The following CWC22 variants were observed in gnomAD, a reference collection of about 807,000 sequenced individuals.
The protein encoded by CWC22 is CWC22 spliceosome associated protein.
Under a neutral mutation model 117.2 loss-of-function variants are expected in CWC22, and 53 were observed. That is an observed-to-expected ratio of 0.45 (90% CI 0.36 to 0.57). The LOEUF is 0.57. Ranked by LOEUF, CWC22 falls within the 20% of genes least tolerant of loss-of-function variation. CWC22 has a pLI of 0.00. For synonymous variants in CWC22, 360 were observed against 355.6 expected (o/e 1.01, Z -0.14); for missense variants, 980 against 1,068.8 (o/e 0.92, Z 1.16).
chr2:179,994,849 A>G (rs989244355), intron 1 of CWC22, among the ~76,000 whole-genome samples: 1 of 152,176 alleles, frequency 6.6e-6, no homozygotes, highest in Non-Finnish European at 1.5e-5. Context: ...TTCTTTATGT[A>G]TCTTTTTAAA....
chr2:179,950,250 T>A (rs1686409910), intron 19 of CWC22, among the ~76,000 whole-genome samples: 1 of 152,184 alleles, frequency 6.6e-6, no homozygotes, highest in African/African-American at 2.4e-5. Context: ...AATGGATGGT[T>A]CATATCAGTC....
chr2:179,991,887 C>T (rs1687577251), intron 2 of CWC22, among the ~76,000 whole-genome samples: 1 of 152,164 alleles, frequency 6.6e-6, no homozygotes, highest in African/African-American at 2.4e-5. Flanking sequence ...AAACTGTGAG[C>T]CCCCTGCCAA....
intron 17 of CWC22, 28 bp from the exon 18 acceptor site, chr2:179,950,954 G>T: frequency 7.6e-7 from 1 of 1,322,356 alleles, no homozygotes; most frequent in Non-Finnish European, 1.1e-6. Flanking sequence ...AAACAAAAGA[G>T]AACACATTGC....
chr2:179,951,223 A>C (rs904887847), intron 17 of CWC22, among the ~76,000 whole-genome samples: 1 of 152,048 alleles, frequency 6.6e-6, no homozygotes, highest in East Asian at 1.9e-4. Context: ...ACACGTGTGA[A>C]TATATATAGT....
At chr2:179,960,432 C>CA (rs1456123672) in intron 13 of CWC22, among the ~76,000 whole-genome samples, 3 of 151,390 alleles carry the variant, frequency 2.0e-5, no homozygotes, top group Non-Finnish European at 1.5e-5. Flanking sequence ...ACAATGAGGA[C>CA]AAAGAAATAA....
intron 1 of CWC22, among the ~76,000 whole-genome samples, chr2:179,996,604 T>C (rs1488018186): frequency 6.6e-6 from 1 of 151,894 alleles, no homozygotes; most frequent in Non-Finnish European, 1.5e-5. Context: ...AAAGTGGATC[T>C]CATGAAGATA....
At chr2:179,958,330 C>CA (rs11453659) in intron 14 of CWC22, among the ~76,000 whole-genome samples, 67,509 of 92,590 alleles carry the variant, frequency 0.73, 23,371 homozygotes, top group Non-Finnish European at 0.77. Flanking sequence ...GACTCTGGCT[C>CA]AAAAAAAAAA....
chr2:179,958,314 T>C (rs973508611), intron 14 of CWC22, among the ~76,000 whole-genome samples: 21 of 115,642 alleles, frequency 1.8e-4, no homozygotes, highest in African/African-American at 6.2e-4. Context: ...CTGGGCGACA[T>C]AGTGAGACTC....
Position 179,973,748 on chromosome 2 carries a change from G to T in CWC22, c.636C>A (p.Thr212=), listed in dbSNP as rs1161004087. 1 of 1,610,468 alleles carries T rather than the reference G, an allele frequency of 6.2e-7. No homozygotes were observed. Among genetic ancestry groups the T allele is most frequent in the African/African-American group, 1.3e-5 (1 of 74,778 alleles). Residue 212 remains threonine, a synonymous_variant, in exon 7 of 20, where the codon ACC becomes ACA. Coordinates refer to ENST00000410053, the MANE Select transcript of CWC22 (RefSeq NM_020943.3). The part of the protein sequence containing the change: ...LQAQSASPIF[T]HVYAALVAII... ...TTGCCACTAATGCTGCATAAACATG[G>T]GTGAAGATTGGAGAAGCACTCTGTG...
intron 6 of CWC22, among the ~76,000 whole-genome samples, chr2:179,975,790 G>A (rs1280365726): frequency 3.3e-5 from 5 of 152,114 alleles, no homozygotes; most frequent in African/African-American, 4.8e-5. Context: ...GACATCCCAT[G>A]TCCATGGACT....
intron 6 of CWC22, among the ~76,000 whole-genome samples, chr2:179,975,287 A>G (rs1008545597): frequency 2.6e-5 from 4 of 152,162 alleles, no homozygotes; most frequent in Admixed American, 2.0e-4. Flanking sequence ...CTCTCACTAG[A>G]AATTAAATTG....
chr2:179,955,076 G>C, intron 14 of CWC22, 42 bp from the exon 15 acceptor site: 1 of 1,326,264 alleles, frequency 7.5e-7, no homozygotes, highest in Non-Finnish European at 1.1e-6. Flanking sequence ...AAAACACAAA[G>C]AGACTAAATA....
At position 179,955,021 on chromosome 2, in the gene CWC22, T is replaced by A; in HGVS notation, c.1472A>T (p.Asn491Ile). 6.3e-7 allele frequency: 1 copy of A among 1,598,686 alleles called. No homozygotes were observed. Among genetic ancestry groups the A allele is most frequent in the Non-Finnish European group, 8.5e-7 (1 of 1,171,590 alleles). The part of the protein sequence containing the change: ...FPESQTKELC[N>I]MILDCCAQQR... ...TTGGGCACAGCAATCAAGTATCATG[T>A]TGCAGAGTTCTTTCTATTTGGGAAA... Residue 491 changes from asparagine to isoleucine, a missense_variant, in exon 15 of 20, where the codon AAC becomes ATC. Around this residue, in one of 3 missense-constraint regions of CWC22, gnomAD observed 559 missense variants for 602.3 expected, o/e 0.93. Transcript: ENST00000410053.
intron 1 of CWC22, among the ~76,000 whole-genome samples, chr2:179,994,494 T>C (rs1472992180): frequency 6.6e-6 from 1 of 152,204 alleles, no homozygotes; most frequent in Non-Finnish European, 1.5e-5. Flanking sequence ...TAAGTATTCC[T>C]TTCACTGGCA....
intron 19 of CWC22, among the ~76,000 whole-genome samples, chr2:179,949,132 C>T (rs1292997274): frequency 6.6e-6 from 1 of 152,152 alleles, no homozygotes; most frequent in East Asian, 1.9e-4. Context: ...AAAGCAGAAA[C>T]ATTGAGAAGT....
intron 2 of CWC22, 121 bp from the exon 3 acceptor site, chr2:179,988,765 C>A: frequency 1.8e-6 from 1 of 552,106 alleles, no homozygotes; most frequent in Non-Finnish European, 3.2e-6. Context: ...TTTTTTAAAT[C>A]ATTAAGAATA....
At chr2:179,991,173 G>T (rs1051041479) in intron 2 of CWC22, among the ~76,000 whole-genome samples, 5 of 152,162 alleles carry the variant, frequency 3.3e-5, no homozygotes, top group African/African-American at 1.2e-4. Context: ...GCAGTACGAG[G>T]AGACAAGGGG....
intron 19 of CWC22, among the ~76,000 whole-genome samples, chr2:179,946,815 AAT>A (rs1310321114): frequency 2.6e-5 from 4 of 152,174 alleles, no homozygotes; most frequent in Non-Finnish European, 5.9e-5. Context: ...CTGCAAAAAC[AAT>A]AGTTCTCCCC....
chr2:179,986,050 C>T (rs1687411041), intron 4 of CWC22, among the ~76,000 whole-genome samples: 2 of 152,054 alleles, frequency 1.3e-5, no homozygotes, highest in Non-Finnish European at 2.9e-5. Flanking sequence ...TCTGACTCTT[C>T]TTAAATATTA....
Sources: allele counts gnomAD v4.1 joint callset (sites outside exome capture counted in the v4.1 genomes callset), GRCh38; gene constraint gnomAD v4.1.1; regional missense constraint gnomAD v4.1.1; transcripts MANE v1.5; gene names NCBI Gene and HGNC (gene_info 2026-07-23, HGNC 2026-07-21).